IRF2: variants seen among roughly 807,000 people sequenced by gnomAD.
IRF2 encodes interferon regulatory factor 2.
In IRF2, 15 loss-of-function variants were observed where a neutral mutation model predicts 40.6. The observed-to-expected ratio is 0.37, with a 90% CI of 0.25 to 0.57. The LOEUF (loss-of-function observed/expected upper bound fraction) is 0.57, where lower values mean the gene tolerates loss of function less well. Ranked by LOEUF, IRF2 falls within the 20% of genes least tolerant of loss-of-function variation. The pLI is 0.77. For synonymous variants in IRF2, 151 were observed against 165.5 expected (o/e 0.91, Z 0.67); for missense variants, 317 against 455.7 (o/e 0.70, Z 2.77).
At chr4:184,430,551 C>T (rs1737840342) in intron 1 of IRF2, among the ~76,000 whole-genome samples, 1 of 152,216 alleles carries the variant, frequency 6.6e-6, no homozygotes, top group Non-Finnish European at 1.5e-5. Context: ...TCTTACACTG[C>T]TCCTTTGAAA....
intron 1 of IRF2, among the ~76,000 whole-genome samples, chr4:184,470,880 C>T (rs995750738): frequency 6.6e-6 from 1 of 152,138 alleles, no homozygotes; most frequent in African/African-American, 2.4e-5. Flanking sequence ...GGTCCAATCA[C>T]TGTTATTTCC....
intron 5 of IRF2, among the ~76,000 whole-genome samples, chr4:184,410,228 G>A (rs1008657930): frequency 1.3e-5 from 2 of 152,164 alleles, no homozygotes; most frequent in African/African-American, 4.8e-5. Flanking sequence ...GCCACCCTAG[G>A]GCACTGCGGA....
intron 1 of IRF2, among the ~76,000 whole-genome samples, chr4:184,467,961 A>T (rs1739386031): frequency 6.6e-6 from 1 of 152,186 alleles, no homozygotes; most frequent in Non-Finnish European, 1.5e-5. Flanking sequence ...TGCCTTTGGG[A>T]TAAAAATACT....
chr4:184,454,014 G>A (rs907820182), intron 1 of IRF2, among the ~76,000 whole-genome samples: 1 of 152,342 alleles, frequency 6.6e-6, no homozygotes, highest in Middle Eastern at 3.4e-3. Flanking sequence ...GCTGCTTTCT[G>A]ACTTCAATCA....
At chr4:184,407,705 T>C (rs1736909733) in intron 6 of IRF2, among the ~76,000 whole-genome samples, 1 of 152,206 alleles carries the variant, frequency 6.6e-6, no homozygotes. Flanking sequence ...ATACAGAAGG[T>C]GCTCAAAAAT....
chr4:184,445,284 C>CTG (rs1738464649), intron 1 of IRF2, among the ~76,000 whole-genome samples: 2 of 152,262 alleles, frequency 1.3e-5, no homozygotes, highest in African/African-American at 4.8e-5. Flanking sequence ...AAGTGCCATC[C>CTG]TGTGCTCACT....
intron 7 of IRF2, among the ~76,000 whole-genome samples, chr4:184,398,391 T>A (rs1194135400): frequency 6.6e-6 from 1 of 152,158 alleles, no homozygotes; most frequent in Admixed American, 6.5e-5. Flanking sequence ...GCACTGTGGG[T>A]CACACCTGTA....
chr4:184,433,133 T>C (rs1455803859), intron 1 of IRF2, among the ~76,000 whole-genome samples: 3 of 152,180 alleles, frequency 2.0e-5, no homozygotes, highest in Non-Finnish European at 2.9e-5. Flanking sequence ...CGAAGGATTT[T>C]AGCAAAAGAA....
At chr4:184,393,665 A>G (rs1561081154) in intron 7 of IRF2, among the ~76,000 whole-genome samples, 1 of 152,256 alleles carries the variant, frequency 6.6e-6, no homozygotes, top group Non-Finnish European at 1.5e-5. Context: ...TTCAGCTGAC[A>G]CAAATGCGAG....
At position 184,464,688 on chromosome 4, in the gene IRF2, C is replaced by T. The variant is rs551014641; in HGVS notation, c.-7+9691G>A. Among the ~76,000 whole-genome samples, 7 of 152,238 alleles carry T rather than the reference C, an allele frequency of 4.6e-5. No individual in the cohort carries two copies. The East Asian group carries it at 7.7e-4, about 17-fold the overall frequency. On this transcript the variant is annotated intron_variant, in intron 1 of 8. Coordinates refer to ENST00000393593, the MANE Select transcript of IRF2 (RefSeq NM_002199.4). ...CTTGGTTCCCAAGGTGCTGGGAAGA[C>T]GTATCTCCCTAGGCATGTGTATTTC... is the stretch of plus-strand genomic sequence containing the variant.
At chr4:184,400,693 G>C (rs1188141333) in intron 6 of IRF2, among the ~76,000 whole-genome samples, 2 of 152,132 alleles carry the variant, frequency 1.3e-5, no homozygotes, top group African/African-American at 4.8e-5. Flanking sequence ...GTGTCTGAGT[G>C]ATCAAATTTC....
chr4:184,466,613 C>T (rs1253092912), intron 1 of IRF2, among the ~76,000 whole-genome samples: 2 of 152,156 alleles, frequency 1.3e-5, no homozygotes, highest in African/African-American at 4.8e-5. Flanking sequence ...ACCGTATTTC[C>T]GTGGTTGCCT....
At chr4:184,453,843 G>T (rs1175402065) in intron 1 of IRF2, among the ~76,000 whole-genome samples, 1 of 152,220 alleles carries the variant, frequency 6.6e-6, no homozygotes, top group Admixed American at 6.5e-5. Flanking sequence ...ACCTCAAAAG[G>T]TGTGTTTTGC....
rs372570727 is a variant in IRF2, at chr4:184,440,472, C to A, written c.-6-11402G>T. On this transcript the variant is annotated intron_variant, in intron 1 of 8. Transcript: ENST00000393593. Reference sequence around the variant, plus strand: ...CTCCAGGGGCCTCCCCGGCCCCATTCTCCTTCCCACACAGTGGCCTGGCCA... The same window carrying A: ...CTCCAGGGGCCTCCCCGGCCCCATTATCCTTCCCACACAGTGGCCTGGCCA... 2.6e-5 allele frequency among the ~76,000 whole-genome samples: 4 copies of A among 152,396 alleles called. No homozygotes were observed. The East Asian group carries it at 5.8e-4, about 22-fold the overall frequency.
At chr4:184,452,770 C>CAAAAAAAAAAAAAAA (rs530415114) in intron 1 of IRF2, among the ~76,000 whole-genome samples, 29 of 53,820 alleles carry the variant, frequency 5.4e-4, no homozygotes, top group East Asian at 1.7e-3. Context: ...GACCCTGTCT[C>CAAAAAAAAAAAAAAA]AAAAAAAAAA....
intron 1 of IRF2, among the ~76,000 whole-genome samples, chr4:184,461,684 G>GCTCCCCCCCCCCCCCCCCCCCCCCCCCCC (rs1469547610): frequency 4.9e-5 from 2 of 40,744 alleles, no homozygotes; most frequent in Admixed American, 2.4e-4. Context: ...TCCTCTACCC[G>GCTCCCCCCCCCCCCCCCCCCCCCCCCCCC]CCCCCCCACC....
At chr4:184,393,048 A>G (rs1160155662) in intron 7 of IRF2, among the ~76,000 whole-genome samples, 1 of 152,214 alleles carries the variant, frequency 6.6e-6, no homozygotes, top group East Asian at 1.9e-4. Flanking sequence ...CAACAGAAAA[A>G]GAAAATTCCC....
chr4:184,432,374 C>T (rs991858625), intron 1 of IRF2, among the ~76,000 whole-genome samples: 4 of 152,218 alleles, frequency 2.6e-5, no homozygotes, highest in Non-Finnish European at 4.4e-5. Flanking sequence ...CTACAGAGTG[C>T]GACATTTGTC....
chr4:184,433,769 T>G lies in IRF2; in HGVS notation c.-6-4699A>C, dbSNP rs1737976317. On this transcript the variant is annotated intron_variant, in intron 1 of 8. Coordinates refer to ENST00000393593, the MANE Select transcript of IRF2 (RefSeq NM_002199.4). Reference sequence around the variant, plus strand: ...CCTTTGTGACTTGATTTTTCTCCCCTGACCCATCTCCCACGCCCTGGGCAG... The same window carrying G: ...CCTTTGTGACTTGATTTTTCTCCCCGGACCCATCTCCCACGCCCTGGGCAG... 2.0e-5 allele frequency among the ~76,000 whole-genome samples: 3 copies of G among 152,186 alleles called. No homozygotes were observed. The South Asian group carries it at 6.2e-4, about 32-fold the overall frequency.
Sources: gnomAD v4.1 joint callset for allele counts (sites outside exome capture counted in the v4.1 genomes callset) on GRCh38, gnomAD v4.1.1 for gene constraint, MANE v1.5 for transcripts, NCBI Gene and HGNC (gene_info 2026-07-23, HGNC 2026-07-21) for gene names.